The following SNX29 variants were observed in gnomAD, a reference collection of about 807,000 sequenced individuals.
SNX29 encodes sorting nexin 29.
A neutral mutation model predicts 102.1 loss-of-function variants in SNX29; 78 were observed. That is an observed-to-expected ratio of 0.76 (90% CI 0.64 to 0.92). The LOEUF (loss-of-function observed/expected upper bound fraction) is 0.92. Among genes scored for constraint, SNX29 ranks in the 40% least tolerant of loss-of-function variants. SNX29 has a pLI of 0.00. For missense variants in SNX29, 1,280 were observed against 1,061.7 expected (o/e 1.21, Z -2.86); for synonymous variants, 580 against 414.5 (o/e 1.40, Z -4.85).
intron 14 of SNX29, among the ~76,000 whole-genome samples, chr16:12,222,711 G>A (rs2077509566): frequency 6.6e-6 from 1 of 152,186 alleles, no homozygotes; most frequent in Admixed American, 6.5e-5. Flanking sequence ...TAGGACTACA[G>A]GCACCCGCCA....
intron 11 of SNX29, among the ~76,000 whole-genome samples, chr16:12,112,944 A>G (rs2053556360): frequency 6.6e-6 from 1 of 152,168 alleles, no homozygotes; most frequent in South Asian, 2.1e-4. Context: ...GAGCACCTGG[A>G]AGGAGGCCTG....
chr16:12,447,601 A>G (rs566091838), intron 18 of SNX29, among the ~76,000 whole-genome samples: 6 of 152,342 alleles, frequency 3.9e-5, no homozygotes, highest in Non-Finnish European at 7.3e-5. Context: ...AGCAAAATCA[A>G]TATTCCCTTG....
rs540416836 is a variant in SNX29, at chr16:12,573,620, T to C, written c.*4991T>C. 3.6e-5 allele frequency: 8 copies of C among 221,722 alleles called. No homozygotes were observed. In the South Asian group the frequency reaches 1.5e-3, roughly 41 times the overall value. 13.7% of individuals were successfully genotyped at this position (221,722 alleles called of 1,614,324 possible). On this transcript the variant is annotated 3_prime_UTR_variant, in exon 21 of 21. Coordinates refer to ENST00000566228, the MANE Select transcript of SNX29 (RefSeq NM_032167.5). ...CAAATTTTCTCAGCTCTGCCGCTGGTCTCCATGAACGGCAAGGGGAACCAC... is the reference window on the plus strand; with the variant it reads ...CAAATTTTCTCAGCTCTGCCGCTGGCCTCCATGAACGGCAAGGGGAACCAC...
Position 12,572,247 on chromosome 16 carries a change from A to G in SNX29, c.*3618A>G. The G allele has an allele frequency of 9.5e-7, 1 of 1,050,344 alleles. No homozygotes were observed. Among genetic ancestry groups the G allele is most frequent in the Non-Finnish European group, 1.2e-6 (1 of 866,346 alleles). The allele number at this position is 1,050,344 out of a possible 1,614,324, so 65.1% of individuals were successfully genotyped here. ...CCTGAAAGTCGTTTACACCAGGTGG[A>G]TTGATACCATGGCTGTAGCTGATGC... On this transcript the variant is annotated 3_prime_UTR_variant, in exon 21 of 21. Transcript: ENST00000566228.
rs113634685 is a variant in SNX29, at chr16:12,328,684, C to A, written c.1783-27479C>A. Among the ~76,000 whole-genome samples the A allele has an allele frequency of 1.9e-3, 290 of 152,342 alleles. 2 individuals are homozygous for A. Among genetic ancestry groups the A allele is most frequent in the African/African-American group, 6.6e-3 (275 of 41,590 alleles). ...GTTCATCCTTTCACTTGGATGCCCT[C>A]TAAATTTGAACACATTTCTATCACA... On this transcript the variant is annotated intron_variant, in intron 15 of 20. Coordinates refer to ENST00000566228, the MANE Select transcript of SNX29 (RefSeq NM_032167.5).
In SNX29 at chr16:12,554,051, C is replaced by T. The variant is rs184686451; in HGVS notation, c.2319-14455C>T. On this transcript the variant is annotated intron_variant, in intron 20 of 20. Coordinates refer to ENST00000566228, the MANE Select transcript of SNX29 (RefSeq NM_032167.5). Reference sequence around the variant, plus strand: ...ATGTTGCCCAGGCTGGTCTGTAAATCCTGACCTCAAATGATCCTCTCACCT... The same window carrying T: ...ATGTTGCCCAGGCTGGTCTGTAAATTCTGACCTCAAATGATCCTCTCACCT... Among the ~76,000 whole-genome samples, 264 of 152,332 alleles carry T rather than the reference C, an allele frequency of 1.7e-3. 1 individual carries two copies. The highest frequency in any genetic ancestry group is 2.8e-3 in the Non-Finnish European group (193 of 68,036).
intron 19 of SNX29, 122 bp downstream of exon 19, chr16:12,477,981 G>C (rs3815828): frequency 0.012 from 13,329 of 1,157,006 alleles, 293 homozygotes; most frequent in East Asian, 0.1. Flanking sequence ...GTGGAGATAA[G>C]AAAAAAATAG....
intron 16 of SNX29, among the ~76,000 whole-genome samples, chr16:12,391,064 G>A (rs2083512657): frequency 6.6e-6 from 1 of 152,024 alleles, no homozygotes; most frequent in South Asian, 2.1e-4. Context: ...TTCCACTTCA[G>A]CCTTAAGAGT....
chr16:12,215,938 C>T (rs960552616), intron 14 of SNX29, among the ~76,000 whole-genome samples: 7 of 152,104 alleles, frequency 4.6e-5, no homozygotes, highest in Non-Finnish European at 8.8e-5. Flanking sequence ...AGGAGTGGTG[C>T]GTGCACAGTT....
chr16:12,542,759 CT>C (rs36004047), intron 20 of SNX29, among the ~76,000 whole-genome samples: 9,313 of 144,344 alleles, frequency 0.065, 341 homozygotes, highest in East Asian at 0.19. Flanking sequence ...CTATCACTGC[CT>C]TTTTTTTTTT....
chr16:12,568,853 G>A lies in SNX29; in HGVS notation c.*224G>A, dbSNP rs895087125. ...AAGGCAGCACCTCGCTGGAGAGACT[G>A]GGACACACAGTCCTTCTGCTTCTGG... On this transcript the variant is annotated 3_prime_UTR_variant, in exon 21 of 21. Transcript: ENST00000566228. 30 of 648,554 alleles carry A rather than the reference G, an allele frequency of 4.6e-5. No individual in the cohort carries two copies. The highest frequency in any genetic ancestry group is 5.6e-5 in the Non-Finnish European group (22 of 394,346). 40.2% of individuals were successfully genotyped at this position (648,554 alleles called of 1,614,324 possible).
chr16:12,167,494 T>C (rs999654576), intron 13 of SNX29, among the ~76,000 whole-genome samples: 6 of 152,132 alleles, frequency 3.9e-5, no homozygotes, highest in Non-Finnish European at 5.9e-5. Context: ...ACCACCACCA[T>C]CATCAATATG....
chr16:12,555,982 T>C (rs1016679550), intron 20 of SNX29, among the ~76,000 whole-genome samples: 2 of 145,322 alleles, frequency 1.4e-5, no homozygotes, highest in African/African-American at 2.5e-5. Context: ...CTTTCAATTT[T>C]CAAGTGTTTT....
intron 16 of SNX29, among the ~76,000 whole-genome samples, chr16:12,364,542 G>A (rs1196220077): frequency 6.6e-6 from 1 of 151,986 alleles, no homozygotes; most frequent in Non-Finnish European, 1.5e-5. Context: ...TCTGGGAGAA[G>A]AGCTCCCGGT....
Position 12,356,242 on chromosome 16 carries a change from C to T in SNX29, c.1862C>T (p.Ser621Phe), listed in dbSNP as rs772943847. The stretch of plus-strand genomic sequence containing the variant: ...CTGGTAGCCAAGGAAGCCCTCGTGT[C>T]CCAGATGAGGCAGGAGCTCATCGAT... ...RALVAKEALV[S>F]QMRQELIDLR... Residue 621 changes from serine to phenylalanine, a missense_variant, in exon 16 of 21, where the codon TCC becomes TTC. By Grantham distance (155) the Ser-to-Phe change is radical. Transcript: ENST00000566228. 4 of 1,612,516 alleles carry T rather than the reference C, an allele frequency of 2.5e-6. No homozygotes were observed. Among genetic ancestry groups the T allele is most frequent in the Non-Finnish European group, 3.4e-6 (4 of 1,179,426 alleles).
chr16:12,206,483 G>A (rs1163583355), intron 14 of SNX29, among the ~76,000 whole-genome samples: 3 of 151,388 alleles, frequency 2.0e-5, no homozygotes, highest in Admixed American at 6.6e-5. Flanking sequence ...CTGCCAACAC[G>A]ATGTCACTGT....
intron 19 of SNX29, among the ~76,000 whole-genome samples, chr16:12,479,964 G>A (rs1026211122): frequency 6.6e-6 from 1 of 152,160 alleles, no homozygotes; most frequent in Non-Finnish European, 1.5e-5. Context: ...ACATTATCCA[G>A]GGGTGCCTGG....
rs541726423 is a variant in SNX29, at chr16:12,248,307, G to C, written c.1679-29626G>C. Among the ~76,000 whole-genome samples the C allele has an allele frequency of 2.6e-5, 4 of 151,676 alleles. No homozygotes were observed. In the East Asian group the frequency reaches 7.8e-4, roughly 30 times the overall value. On this transcript the variant is annotated intron_variant, in intron 14 of 20. Coordinates refer to ENST00000566228, the MANE Select transcript of SNX29 (RefSeq NM_032167.5). ...TCTTCATCGTGTTGCATCTTGGGTG[G>C]TCCCTTGCTCTTGCTTCCCCTGTTT...
intron 18 of SNX29, among the ~76,000 whole-genome samples, chr16:12,472,258 C>T (rs905395701): frequency 5.3e-5 from 8 of 152,106 alleles, no homozygotes; most frequent in Admixed American, 2.6e-4. Flanking sequence ...TGGTGGCTCA[C>T]GCCTGTAATC....
Sources: allele counts gnomAD v4.1 joint callset (sites outside exome capture counted in the v4.1 genomes callset), GRCh38; gene constraint gnomAD v4.1.1; transcripts MANE v1.5; gene names NCBI Gene and HGNC (gene_info 2026-07-23, HGNC 2026-07-21).